PTPN23: variants seen among roughly 807,000 people sequenced by gnomAD.
PTPN23 encodes the protein protein tyrosine phosphatase non-receptor type 23, also known as tyrosine-protein phosphatase non-receptor type 23.
PTPN23 carries 72 observed loss-of-function variants against 156.3 expected under a neutral mutation model. That is an observed-to-expected ratio of 0.46 (90% confidence interval 0.38 to 0.56). The LOEUF (loss-of-function observed/expected upper bound fraction) is 0.56, where lower values mean the gene tolerates loss of function less well. Among genes scored for constraint, PTPN23 ranks in the 20% least tolerant of loss-of-function variants. The pLI, the probability that PTPN23 is intolerant of heterozygous loss-of-function variation, is 0.00. For missense variants in PTPN23, 1,974 were observed against 2,171.5 expected (o/e 0.91, Z 1.81); for synonymous variants, 957 against 899.6 (o/e 1.06, Z -1.14).
intron 23 of PTPN23, 45 bp from the exon 24 acceptor site, chr3:47,412,469 T>G (rs1222623999): frequency 6.2e-7 from 1 of 1,611,142 alleles, no homozygotes; most frequent in East Asian, 2.2e-5. Context: ...TGTCCCAGGG[T>G]GACGGGCCCC....
Position 47,413,184 on chromosome 3 carries a change from G to T in PTPN23, c.4910G>T (p.Ter1637LeuextTer77). Reference sequence around the variant, plus strand: ...CCACTCTGGACACTCAACAAGACCTGAACAGGTTTTGCCTACCTGGTCCTT... The same window carrying T: ...CCACTCTGGACACTCAACAAGACCTTAACAGGTTTTGCCTACCTGGTCCTT... ...LDPLWTLNKT[*>L] Residue 1637 changes from the stop codon to leucine, a stop_lost, in exon 25 of 25, where the codon TGA becomes TTA. Coordinates refer to ENST00000265562, the MANE Select transcript of PTPN23 (RefSeq NM_015466.4). The T allele has an allele frequency of 6.2e-7, 1 of 1,607,698 alleles. No homozygotes were observed. The highest frequency in any genetic ancestry group is 1.1e-5 in the South Asian group (1 of 90,646).
At chr3:47,402,224 A>G (rs1288301222) in intron 2 of PTPN23, among the ~76,000 whole-genome samples, 2 of 152,222 alleles carry the variant, frequency 1.3e-5, no homozygotes, top group Non-Finnish European at 2.9e-5. Flanking sequence ...TACATAAACA[A>G]TATGAAGAAT....
chr3:47,390,079 A>G (rs1405343029), intron 1 of PTPN23, among the ~76,000 whole-genome samples: 1 of 151,282 alleles, frequency 6.6e-6, no homozygotes, highest in African/African-American at 2.4e-5. Flanking sequence ...TCTCAAAAAA[A>G]AAAAAAAAAA....
rs1469289732 is a variant in PTPN23, at chr3:47,405,435, A to C, written c.365-314A>C. The C allele has an allele frequency of 5.6e-6, 3 of 533,580 alleles. No homozygotes were observed. The highest frequency in any genetic ancestry group is 1.0e-5 in the Non-Finnish European group (3 of 297,054). 33.1% of individuals were successfully genotyped at this position (533,580 alleles called of 1,614,324 possible). A position where few individuals can be genotyped will look rare whatever the true frequency, so the allele number is the denominator to read the frequency against. ...GTGGCTGGCCTCAGCTTACCCTGCT[A>C]GTCAGCCTTAGCCTGGCTCAAGGGA... is the stretch of plus-strand genomic sequence containing the variant. On this transcript the variant is annotated intron_variant, in intron 4 of 24. Coordinates refer to ENST00000265562, the MANE Select transcript of PTPN23 (RefSeq NM_015466.4). The surrounding 1 kb of genome is among the most constrained non-coding windows in gnomAD (Gnocchi z 4.7).
In PTPN23 at chr3:47,411,201, G is replaced by A. The variant is rs1330957134; in HGVS notation, c.3403G>A (p.Gly1135Arg). The change falls in exon 20 of 25, where the codon GGG (glycine) becomes AGG (arginine). Residue 1135 changes from glycine (G) to arginine (R), a missense_variant. Physicochemically the swap from Gly to Arg is moderately radical, Grantham distance 125 (BLOSUM62 -2). Coordinates refer to ENST00000265562, the MANE Select transcript of PTPN23 (RefSeq NM_015466.4). This position sits in a 1 kb window ranked among gnomAD's most constrained non-coding sequence, Gnocchi z 6.3. The stretch of plus-strand genomic sequence containing the variant: ...CCAGCATGGCGGCACTCAGTCTCCT[G>A]GGGGTGGGCAGCCCCTGCTGCAGCC... Reference protein sequence around the residue: ...ESQHGGTQSPGGGQPLLQPTK... With the variant: ...ESQHGGTQSPRGGQPLLQPTK... 1.9e-6 allele frequency: 3 copies of A among 1,604,330 alleles called. No homozygotes were observed. Among genetic ancestry groups the A allele is most frequent in the Middle Eastern group, 3.3e-4 (2 of 6,056 alleles).
In PTPN23 at chr3:47,406,066, G is replaced by A. The variant is rs751772332; in HGVS notation, c.546+20G>A. The stretch of plus-strand genomic sequence containing the variant: ...ATGCTGGTGAGGAGGCGCCCTGGTT[G>A]GAGTGGAGTTGAATCCAGGGAAGGG... On this transcript the variant is annotated intron_variant, in intron 6 of 24. Coordinates refer to ENST00000265562, the MANE Select transcript of PTPN23 (RefSeq NM_015466.4). The surrounding 1 kb of genome is among the most constrained non-coding windows in gnomAD (Gnocchi z 5.8). 2 of 1,608,956 alleles carry A rather than the reference G, an allele frequency of 1.2e-6. No individual in the cohort carries two copies. Among genetic ancestry groups the A allele is most frequent in the South Asian group, 1.1e-5 (1 of 90,282 alleles).
At position 47,406,797 on chromosome 3, in the gene PTPN23, T is replaced by A; in HGVS notation, c.807+47T>A. 1 of 1,608,384 alleles carries A rather than the reference T, an allele frequency of 6.2e-7. No individual in the cohort carries two copies. Reference sequence around the variant, plus strand: ...ACTGGGGACCAATGGCAGCCTTCAGTGAGATGCCGGTGTGCTCCCGCTCCT... The same window carrying A: ...ACTGGGGACCAATGGCAGCCTTCAGAGAGATGCCGGTGTGCTCCCGCTCCT... On this transcript the variant is annotated intron_variant, in intron 9 of 24. Transcript: ENST00000265562. This position sits in a 1 kb window ranked among gnomAD's most constrained non-coding sequence, Gnocchi z 5.8.
chr3:47,410,069 A>C lies in PTPN23; in HGVS notation c.2271A>C (p.Arg757=). ...SLPPDMVAGP[R]LPDTFLGSAT... The stretch of plus-strand genomic sequence containing the variant: ...CCCCTGACATGGTGGCTGGCCCACG[A>C]CTGCCTGACACCTTCCTGGGAAGTG... Residue 757 remains arginine (R), a synonymous_variant, in exon 20 of 25, where the codon CGA becomes CGC. Transcript: ENST00000265562. The C allele has an allele frequency of 3.7e-6, 6 of 1,611,494 alleles. No homozygotes were observed. The highest frequency in any genetic ancestry group is 5.1e-6 in the Non-Finnish European group (6 of 1,179,016).
intron 1 of PTPN23, among the ~76,000 whole-genome samples, chr3:47,381,771 C>A (rs1458233024): frequency 1.3e-5 from 2 of 152,162 alleles, no homozygotes; most frequent in East Asian, 1.9e-4. Flanking sequence ...TACAATCCCA[C>A]GACATTTTTA....
chr3:47,407,841 G>A lies in PTPN23; in HGVS notation c.1118+30G>A, dbSNP rs373763701. 1 of 1,614,058 alleles carries A rather than the reference G, an allele frequency of 6.2e-7. No individual in the cohort carries two copies. The highest frequency in any genetic ancestry group is 1.1e-5 in the South Asian group (1 of 91,078). On this transcript the variant is annotated intron_variant, in intron 13 of 24. Coordinates refer to ENST00000265562, the MANE Select transcript of PTPN23 (RefSeq NM_015466.4). The surrounding 1 kb of genome is among the most constrained non-coding windows in gnomAD (Gnocchi z 4.0). The stretch of plus-strand genomic sequence containing the variant: ...GTGGAGGGTGGCACAGAGGGAGGTG[G>A]GGTGTCTTGAGATGTGGGTCTTCAG...
chr3:47,402,513 C>G (rs1312877127), intron 2 of PTPN23, among the ~76,000 whole-genome samples: 3 of 152,084 alleles, frequency 2.0e-5, no homozygotes, highest in Non-Finnish European at 2.9e-5. Flanking sequence ...TTCCTGGGCT[C>G]AAGCGATCCA....
At chr3:47,382,685 T>C (rs1194827993) in intron 1 of PTPN23, among the ~76,000 whole-genome samples, 17 of 93,412 alleles carry the variant, frequency 1.8e-4, no homozygotes, top group African/African-American at 3.8e-4. Context: ...CTTTTCTTTT[T>C]TTTTTTTTTT....
At chr3:47,402,333 G>A (rs574941245) in intron 2 of PTPN23, among the ~76,000 whole-genome samples, 1 of 152,214 alleles carries the variant, frequency 6.6e-6, no homozygotes, top group African/African-American at 2.4e-5. Flanking sequence ...AGGCTGGAGT[G>A]CAGTGGTGCA....
rs1705140160 is a variant in PTPN23, at chr3:47,406,926, GT to G, written c.807+177del. On this transcript the variant is annotated intron_variant, in intron 9 of 24. Transcript: ENST00000265562. This position sits in a 1 kb window ranked among gnomAD's most constrained non-coding sequence, Gnocchi z 5.8. ...ATCTGTGCAGCCCTCGTCCCTCGGG[GT>G]CTGAGGAGGTGGGGCAGGCTCCCTA... Among the ~76,000 whole-genome samples, 2 of 152,146 alleles carry G rather than the reference GT, an allele frequency of 1.3e-5. No individual in the cohort carries two copies. The highest frequency in any genetic ancestry group is 4.8e-5 in the African/African-American group (2 of 41,424).
At chr3:47,396,322 C>G in intron 2 of PTPN23, 105 bp downstream of exon 2, 1 of 888,150 alleles carries the variant, frequency 1.1e-6, no homozygotes, top group Non-Finnish European at 1.7e-6. Context: ...CGCCTATAAT[C>G]CCACCACTTT....
At chr3:47,409,610 G>A (rs757661552) in intron 18 of PTPN23, 42 bp downstream of exon 18, 3 of 1,612,338 alleles carry the variant, frequency 1.9e-6, no homozygotes, top group Admixed American at 3.3e-5. Flanking sequence ...GCCACCTGGA[G>A]CCCAGCCCCA....
In PTPN23 at chr3:47,405,893, C is replaced by A; in HGVS notation, c.415-22C>A. 6.2e-7 allele frequency: 1 copy of A among 1,611,238 alleles called. No homozygotes were observed. The highest frequency in any genetic ancestry group is 1.1e-5 in the South Asian group (1 of 90,700). On this transcript the variant is annotated intron_variant, in intron 5 of 24. Transcript: ENST00000265562. The surrounding 1 kb of genome is among the most constrained non-coding windows in gnomAD (Gnocchi z 4.7). ...TCCTGACCCATGGAGTGGACACAGGCCATCCTCCCACTCCCTCCCAGGGCA... is the reference window on the plus strand; with the variant it reads ...TCCTGACCCATGGAGTGGACACAGGACATCCTCCCACTCCCTCCCAGGGCA...
rs760997060 is a variant in PTPN23 at position 47,405,053 on chromosome 3, C to T, written c.336C>T (p.Tyr112=). The change falls in exon 4 of 25, where the codon TAC becomes TAT. Residue 112 remains tyrosine (Y), a synonymous_variant. Coordinates refer to ENST00000265562, the MANE Select transcript of PTPN23 (RefSeq NM_015466.4). The surrounding 1 kb of genome is among the most constrained non-coding windows in gnomAD (Gnocchi z 4.7). ...GKSVAHEDIK[Y]EQACILYNLG... is the part of the protein sequence containing the mutation. The stretch of plus-strand genomic sequence containing the variant: ...CTGTGGCCCATGAGGACATCAAGTA[C>T]GAGCAGGCCTGTATTCTCTACAACC... 33 of 1,614,078 alleles carry T rather than the reference C, an allele frequency of 2.0e-5. No homozygotes were observed. Among genetic ancestry groups the T allele is most frequent in the Admixed American group, 1.0e-4 (6 of 60,004 alleles).
In PTPN23 at chr3:47,406,766, G is replaced by T. The variant is rs1373275512; in HGVS notation, c.807+16G>T. On this transcript the variant is annotated intron_variant, in intron 9 of 24. Transcript: ENST00000265562. The surrounding 1 kb of genome is among the most constrained non-coding windows in gnomAD (Gnocchi z 5.8). ...CGGGGAGCGGGTGAGCTACAGCGAG[G>T]AGGGGACTGGGGACCAATGGCAGCC... 24 of 1,613,276 alleles carry T rather than the reference G, an allele frequency of 1.5e-5. No individual in the cohort carries two copies. Among genetic ancestry groups the T allele is most frequent in the Non-Finnish European group, 2.0e-5 (24 of 1,179,838 alleles).
Sources: gnomAD v4.1 joint callset for allele counts (sites outside exome capture counted in the v4.1 genomes callset) on GRCh38, gnomAD v4.1.1 for gene constraint, Gnocchi (gnomAD v3.1) non-coding constraint, MANE v1.5 for transcripts, NCBI Gene and HGNC (gene_info 2026-07-23, HGNC 2026-07-21) for gene names.